Variants in KLF12 observed in about 807,000 individuals in gnomAD.
KLF12 encodes Krueppel-like factor 12.
Under a neutral mutation model 37.8 loss-of-function variants are expected in KLF12, and 9 were observed. That is an observed-to-expected ratio of 0.24 (90% CI 0.14 to 0.42). The LOEUF is 0.42. Ranked by LOEUF, KLF12 falls within the 10% of genes least tolerant of loss-of-function variation. The pLI, the probability that KLF12 is intolerant of heterozygous loss-of-function variation, is 1.00. For synonymous variants in KLF12, 208 were observed against 202.1 expected, an observed-to-expected ratio of 1.03 and a Z score of -0.25; for missense variants, 411 against 516.0, an observed-to-expected ratio of 0.80 and a Z score of 1.97.
the KLF12 span, among the ~76,000 whole-genome samples, chr13:74,193,494 C>T: frequency 6.6e-6 from 1 of 152,190 alleles, no homozygotes; most frequent in African/African-American, 2.4e-5. Context: ...TTTGACTCTA[C>T]AGCCCACACT....
chr13:74,005,827 T>C (rs561515790), intron 1 of KLF12, among the ~76,000 whole-genome samples: 1 of 152,320 alleles, frequency 6.6e-6, no homozygotes, highest in East Asian at 1.9e-4. Context: ...CTAACCTCTA[T>C]AATGGTGTTA....
chr13:73,798,269 T>C (rs970494461), intron 5 of KLF12, among the ~76,000 whole-genome samples: 5 of 152,136 alleles, frequency 3.3e-5, no homozygotes, highest in African/African-American at 1.2e-4. Context: ...AAAAATTAAC[T>C]GAAGATGGAT....
the KLF12 span, among the ~76,000 whole-genome samples, chr13:74,231,093 C>A: frequency 6.6e-6 from 1 of 151,450 alleles, no homozygotes. Context: ...TCTCTGCTTG[C>A]ATCGTCATCT....
chr13:74,065,821 A>G (rs561166605), intron 1 of KLF12, among the ~76,000 whole-genome samples: 23 of 151,958 alleles, frequency 1.5e-4, no homozygotes, highest in Admixed American at 2.6e-4. Context: ...GCTCTGAACG[A>G]TCTCTCTAGA....
At chr13:74,232,763 C>A in the KLF12 span, among the ~76,000 whole-genome samples, 305 of 152,182 alleles carry the variant, frequency 2.0e-3, 3 homozygotes, top group African/African-American at 6.2e-3. Flanking sequence ...ATTATGTGGT[C>A]CCACGTAGGT....
chr13:73,971,798 G>C (rs1891351664), intron 2 of KLF12, among the ~76,000 whole-genome samples: 1 of 152,186 alleles, frequency 6.6e-6, no homozygotes, highest in African/African-American at 2.4e-5. Flanking sequence ...GGGAGGCTAA[G>C]GCAGAAGGAT....
chr13:74,261,363 C>A, the KLF12 span, among the ~76,000 whole-genome samples: 1 of 151,976 alleles, frequency 6.6e-6, no homozygotes, highest in African/African-American at 2.4e-5. Context: ...AATATATACG[C>A]AGAATTTTTT....
chr13:73,921,854 T>C (rs1593730301), intron 3 of KLF12, among the ~76,000 whole-genome samples: 1 of 152,302 alleles, frequency 6.6e-6, no homozygotes, highest in East Asian at 1.9e-4. Flanking sequence ...ATGGAGGAAG[T>C]GTCCTCTTGA....
At chr13:73,806,640 A>C (rs890123648) in intron 5 of KLF12, among the ~76,000 whole-genome samples, 2 of 143,670 alleles carry the variant, frequency 1.4e-5, no homozygotes, top group African/African-American at 5.0e-5. Context: ...GAACTTGCAA[A>C]AAAACAAACA....
At chr13:73,712,127 T>G (rs1875444059) in intron 7 of KLF12, among the ~76,000 whole-genome samples, 2 of 151,830 alleles carry the variant, frequency 1.3e-5, no homozygotes, top group Admixed American at 1.3e-4. Context: ...TCACCTGAGG[T>G]CGGGAGTTCG....
At chr13:73,866,680 T>C (rs1251438283) in intron 3 of KLF12, among the ~76,000 whole-genome samples, 1 of 151,910 alleles carries the variant, frequency 6.6e-6, no homozygotes, top group Non-Finnish European at 1.5e-5. Flanking sequence ...TAACAGACCA[T>C]GTAAAAAGAA....
chr13:74,096,507 G>A (rs1017110077), intron 1 of KLF12, among the ~76,000 whole-genome samples: 3 of 152,146 alleles, frequency 2.0e-5, no homozygotes, highest in African/African-American at 4.8e-5. Flanking sequence ...AAATGTGGTC[G>A]AGATTCAATT....
chr13:73,789,777 C>T (rs1422377357), intron 5 of KLF12, among the ~76,000 whole-genome samples: 6 of 151,912 alleles, frequency 3.9e-5, no homozygotes, highest in Admixed American at 6.6e-5. Flanking sequence ...CCCGGGTTCA[C>T]GCCATTCTCC....
intron 5 of KLF12, among the ~76,000 whole-genome samples, chr13:73,812,090 CCCT>C (rs1410892738): frequency 3.3e-5 from 5 of 152,000 alleles, no homozygotes; most frequent in South Asian, 4.1e-4. Context: ...GCTATTTAAA[CCCT>C]CCTCATCTTC....
chr13:74,038,156 A>C (rs1182949710), intron 1 of KLF12, among the ~76,000 whole-genome samples: 3 of 152,188 alleles, frequency 2.0e-5, no homozygotes, highest in Non-Finnish European at 4.4e-5. Flanking sequence ...TAGTTTTGGC[A>C]CTGTATTACG....
At chr13:74,052,441 A>T (rs1261760788) in intron 1 of KLF12, among the ~76,000 whole-genome samples, 1 of 152,092 alleles carries the variant, frequency 6.6e-6, no homozygotes, top group Non-Finnish European at 1.5e-5. Context: ...TCTTGAGATG[A>T]CTATTTTCTA....
intron 3 of KLF12, among the ~76,000 whole-genome samples, chr13:73,887,693 T>C (rs1160730216): frequency 2.0e-5 from 3 of 148,886 alleles, no homozygotes; most frequent in South Asian, 2.1e-4. Flanking sequence ...ATCTTCATTT[T>C]TAAAAAGGTT....
chr13:73,725,737 G>T (rs932604587), intron 6 of KLF12, among the ~76,000 whole-genome samples: 6 of 151,932 alleles, frequency 3.9e-5, no homozygotes, highest in African/African-American at 1.4e-4. Context: ...CTTGTAGTCT[G>T]AAAATACAAA....
At chr13:74,199,804 G>T in the KLF12 span, among the ~76,000 whole-genome samples, 3 of 152,046 alleles carry the variant, frequency 2.0e-5, no homozygotes, top group Admixed American at 6.6e-5. Flanking sequence ...TAGATTTGCT[G>T]GGCTTCCCAA....
Sources: gnomAD v4.1 joint callset for allele counts (sites outside exome capture counted in the v4.1 genomes callset) on GRCh38, gnomAD v4.1.1 for gene constraint, MANE v1.5 for transcripts, NCBI Gene and HGNC (gene_info 2026-07-23, HGNC 2026-07-21) for gene names.